Variants in FRK observed in about 807,000 individuals in gnomAD.
FRK encodes tyrosine-protein kinase FRK.
FRK carries 51 observed loss-of-function variants against 56.4 expected under a neutral mutation model. That is an observed-to-expected ratio of 0.90 (90% CI 0.72 to 1.14). The LOEUF is 1.14. Among genes scored for constraint, FRK ranks in the 50% most tolerant of loss-of-function variants. The pLI is 0.00. For missense variants in FRK, 570 were observed against 601.4 expected, an observed-to-expected ratio of 0.95 and a Z score of 0.55; for synonymous variants, 245 against 217.9, an observed-to-expected ratio of 1.12 and a Z score of -1.10.
the FRK span, among the ~76,000 whole-genome samples, chr6:116,075,593 C>T: frequency 9.9e-5 from 15 of 152,078 alleles, no homozygotes; most frequent in South Asian, 2.9e-3. Context: ...GAGAAATTAA[C>T]GCTCTTCATT....
At chr6:115,945,480 G>T (rs1421197991) in intron 5 of FRK, among the ~76,000 whole-genome samples, 1 of 151,848 alleles carries the variant, frequency 6.6e-6, no homozygotes, top group Non-Finnish European at 1.5e-5. Context: ...TGAGCTTTTT[G>T]TTCACATGAT....
chr6:116,063,581 T>C (rs533600531), upstream of FRK, among the ~76,000 whole-genome samples: 127 of 152,044 alleles, frequency 8.4e-4, 1 homozygote, highest in African/African-American at 3.0e-3. Context: ...TGGGGAGATG[T>C]TGGTTGAAGG....
intron 1 of FRK, among the ~76,000 whole-genome samples, chr6:116,029,255 A>G (rs981712983): frequency 2.0e-5 from 3 of 152,156 alleles, no homozygotes; most frequent in African/African-American, 7.2e-5. Context: ...CTTCTAATAT[A>G]GTCTATAACT....
chr6:115,984,279 C>A (rs901067157), intron 2 of FRK, among the ~76,000 whole-genome samples: 1 of 152,066 alleles, frequency 6.6e-6, no homozygotes, highest in Non-Finnish European at 1.5e-5. Context: ...GTACTTAGCA[C>A]GAAATTTTCA....
intron 1 of FRK, among the ~76,000 whole-genome samples, chr6:116,030,455 T>C (rs1397767393): frequency 6.6e-6 from 1 of 152,118 alleles, no homozygotes; most frequent in Admixed American, 6.6e-5. Context: ...CCTAATCCTT[T>C]GGAATTTCCT....
upstream of FRK, among the ~76,000 whole-genome samples, chr6:116,064,467 TA>T (rs1271923572): frequency 1.3e-5 from 2 of 152,056 alleles, no homozygotes; most frequent in Non-Finnish European, 2.9e-5. Context: ...GAGACAGAGA[TA>T]AAAATGGGGA....
At chr6:115,986,854 C>A (rs1250933918) in intron 2 of FRK, among the ~76,000 whole-genome samples, 1 of 152,126 alleles carries the variant, frequency 6.6e-6, no homozygotes, top group Non-Finnish European at 1.5e-5. Flanking sequence ...TGTGTTGACA[C>A]TGGGATTCTG....
chr6:115,980,402 C>T (rs915072937), intron 2 of FRK, among the ~76,000 whole-genome samples: 8 of 148,720 alleles, frequency 5.4e-5, no homozygotes, highest in African/African-American at 1.7e-4. Flanking sequence ...GAATATCATA[C>T]GGAAACATGA....
intron 2 of FRK, among the ~76,000 whole-genome samples, chr6:116,002,096 C>A (rs978489276): frequency 6.6e-6 from 1 of 152,094 alleles, no homozygotes. Context: ...AAGTCTTATT[C>A]TAGATTATTC....
chr6:116,100,725 C>T, the FRK span: 2 of 359,452 alleles, frequency 5.6e-6, no homozygotes, highest in Non-Finnish European at 9.9e-6. Context: ...CGGCGCAGGA[C>T]GCCCGCCGCG....
intron 5 of FRK, among the ~76,000 whole-genome samples, chr6:115,953,924 T>TA (rs913348794): frequency 1.3e-5 from 2 of 152,116 alleles, no homozygotes; most frequent in African/African-American, 4.8e-5. Context: ...CAGAGGATAC[T>TA]AAAAATAAGC....
Position 115,991,428 on chromosome 6 carries a change from A to T in FRK, c.466+12449T>A, listed in dbSNP as rs148666148. On this transcript the variant is annotated intron_variant, in intron 2 of 7. Coordinates refer to ENST00000606080, the MANE Select transcript of FRK (RefSeq NM_002031.3). ...GGGTTTATCATCTAAGGCTCTTATT[A>T]TTTTGAGTTATGTTCCTTTGATGCA... Among the ~76,000 whole-genome samples the T allele has an allele frequency of 2.0e-5, 3 of 151,726 alleles. 1 individual carries two copies. Among genetic ancestry groups the T allele is most frequent in the Admixed American group, 2.0e-4 (3 of 15,204 alleles).
At chr6:116,031,710 T>C (rs146894041) in intron 1 of FRK, among the ~76,000 whole-genome samples, 1 of 152,208 alleles carries the variant, frequency 6.6e-6, no homozygotes, top group Non-Finnish European at 1.5e-5. Context: ...TACATCAAGA[T>C]CAGCTAGAAA....
At chr6:116,019,329 T>C (rs1041850364) in intron 1 of FRK, among the ~76,000 whole-genome samples, 2 of 152,142 alleles carry the variant, frequency 1.3e-5, no homozygotes, top group Non-Finnish European at 2.9e-5. Context: ...ATGTGAGTCT[T>C]CCACTTGAAA....
At chr6:116,068,609 C>T in the FRK span, among the ~76,000 whole-genome samples, 2 of 152,200 alleles carry the variant, frequency 1.3e-5, no homozygotes, top group East Asian at 1.9e-4. Flanking sequence ...TAGCAGTTTT[C>T]CTGACCAATG....
the FRK span, among the ~76,000 whole-genome samples, chr6:116,068,955 G>A: frequency 2.0e-5 from 3 of 152,006 alleles, no homozygotes; most frequent in Non-Finnish European, 4.4e-5. Context: ...AGCAATATCC[G>A]CAAATGGGAT....
intron 5 of FRK, among the ~76,000 whole-genome samples, chr6:115,946,936 G>A (rs900943781): frequency 6.6e-6 from 1 of 152,114 alleles, no homozygotes; most frequent in South Asian, 2.1e-4. Flanking sequence ...TTTGACTGGA[G>A]ATCAGGTATA....
At chr6:115,948,900 G>T (rs986754040) in intron 5 of FRK, among the ~76,000 whole-genome samples, 1 of 152,152 alleles carries the variant, frequency 6.6e-6, no homozygotes, top group Non-Finnish European at 1.5e-5. Context: ...CCAAACTTCT[G>T]CCTTGGATGA....
chr6:116,038,945 G>T, intron 1 of FRK: 1 of 664,264 alleles, frequency 1.5e-6, no homozygotes, highest in Non-Finnish European at 2.9e-6. Context: ...TGGCTGCGCA[G>T]AACTGCTACA....
Sources: gnomAD v4.1 joint callset for allele counts (sites outside exome capture counted in the v4.1 genomes callset) on GRCh38, gnomAD v4.1.1 for gene constraint, MANE v1.5 for transcripts, NCBI Gene and HGNC (gene_info 2026-07-23, HGNC 2026-07-21) for gene names.